ARHGAP39: variants seen among roughly 807,000 people sequenced by gnomAD.
ARHGAP39 encodes the protein rho GTPase-activating protein 39.
In ARHGAP39, 44 loss-of-function variants were observed where a neutral mutation model predicts 106.9. The observed-to-expected ratio is 0.41, with a 90% confidence interval of 0.32 to 0.53. The LOEUF is 0.53. Ranked by LOEUF, ARHGAP39 falls within the 20% of genes least tolerant of loss-of-function variation. The probability of loss-of-function intolerance (pLI) is 0.21; values close to 1 mark genes in which losing one functional copy is unlikely to be tolerated. For synonymous variants in ARHGAP39, 768 were observed against 693.2 expected (o/e 1.11, Z -1.69); for missense variants, 1,496 against 1,577.3 (o/e 0.95, Z 0.87).
chr8:144,615,903 G>T (rs1447954325), intron 1 of ARHGAP39, among the ~76,000 whole-genome samples: 2 of 152,212 alleles, frequency 1.3e-5, no homozygotes, highest in Non-Finnish European at 2.9e-5. Context: ...CACCAAAGCC[G>T]CCTGCTCCAG....
At chr8:144,672,087 T>A (rs912730434) in intron 1 of ARHGAP39, among the ~76,000 whole-genome samples, 2 of 152,132 alleles carry the variant, frequency 1.3e-5, no homozygotes, top group Non-Finnish European at 2.9e-5. Context: ...CACTACCCCC[T>A]CCCACATGTG....
At chr8:144,689,426 CTTTTT>C (rs71320837), upstream of ARHGAP39, among the ~76,000 whole-genome samples, 2 of 67,554 alleles carry the variant, frequency 3.0e-5, no homozygotes, top group Non-Finnish European at 5.3e-5. Context: ...TCTTAACCAT[CTTTTT>C]TTTTTTTTTT....
chr8:144,653,491 T>C (rs1248523274), intron 1 of ARHGAP39, among the ~76,000 whole-genome samples: 2 of 152,076 alleles, frequency 1.3e-5, no homozygotes, highest in East Asian at 3.9e-4. Context: ...GCCCCTTCAA[T>C]GGAAGCACAA....
rs189667004 is a variant in ARHGAP39 at position 144,679,604 on chromosome 8, T to C, written c.-82+6082A>G. On this transcript the variant is annotated intron_variant, in intron 1 of 11. Coordinates refer to ENST00000377307, the MANE Select transcript of ARHGAP39 (RefSeq NM_025251.3). This position sits in a 1 kb window ranked among gnomAD's most constrained non-coding sequence, Gnocchi z 4.7. The stretch of plus-strand genomic sequence containing the variant: ...CTTCACCAACCCATCCTACAGAACA[T>C]TGCCAATTAAATCTCCCTAAACCAT... 2.0e-5 allele frequency among the ~76,000 whole-genome samples: 3 copies of C among 152,148 alleles called. No individual in the cohort carries two copies. The highest frequency in any genetic ancestry group is 4.8e-5 in the African/African-American group (2 of 41,428).
intron 1 of ARHGAP39, among the ~76,000 whole-genome samples, chr8:144,636,026 G>C (rs529974852): frequency 1.4e-4 from 19 of 138,114 alleles, no homozygotes; most frequent in African/African-American, 5.2e-4. Context: ...AGACAGTGTG[G>C]GGACTGAATT....
intron 6 of ARHGAP39, among the ~76,000 whole-genome samples, chr8:144,538,822 C>T (rs2086360): frequency 2.0e-5 from 3 of 152,032 alleles, no homozygotes; most frequent in African/African-American, 2.4e-5. Flanking sequence ...CCACCCACCT[C>T]GGCCTCCCAA....
rs59528973 is a variant in ARHGAP39 at position 144,613,490 on chromosome 8, GT to G, written c.-81-7796del. ...TTAGGTATAGAATTCTTGGTGGACA[GT>G]TTTTTTTTTTTTCCCTTTCAGCATC... On this transcript the variant is annotated intron_variant, in intron 1 of 11. Transcript: ENST00000377307. Among the ~76,000 whole-genome samples the G allele has an allele frequency of 9.7e-3, 1,395 of 143,352 alleles. 12 individuals carry two copies. The highest frequency in any genetic ancestry group is 0.023 in the African/African-American group (901 of 39,510). The allele number at this position is 143,352 out of a possible 152,430, so 94.0% of individuals were successfully genotyped here.
intron 1 of ARHGAP39, among the ~76,000 whole-genome samples, chr8:144,660,143 C>T (rs1821787759): frequency 6.6e-6 from 1 of 152,172 alleles, no homozygotes; most frequent in Non-Finnish European, 1.5e-5. Context: ...GTGTGGAATG[C>T]TCCCGTGTCT....
At chr8:144,675,896 G>C (rs922431833) in intron 1 of ARHGAP39, among the ~76,000 whole-genome samples, 12 of 152,002 alleles carry the variant, frequency 7.9e-5, no homozygotes, top group African/African-American at 2.4e-4. Flanking sequence ...CAGGAGTGAA[G>C]CTGCAGACCT....
At position 144,619,860 on chromosome 8, in the gene ARHGAP39, G is replaced by A. The variant is rs141761784; in HGVS notation, c.-81-14165C>T. On this transcript the variant is annotated intron_variant, in intron 1 of 11. Coordinates refer to ENST00000377307, the MANE Select transcript of ARHGAP39 (RefSeq NM_025251.3). ...TGCCCATGTGCGAGCTTGTGTGTCC[G>A]AGAGAGCGTGAGCCCGTGTGAGTGA... 1.2e-3 allele frequency among the ~76,000 whole-genome samples: 166 copies of A among 142,350 alleles called. 1 individual carries two copies. The highest frequency in any genetic ancestry group is 2.1e-3 in the Non-Finnish European group (134 of 65,050). 93.4% of individuals were successfully genotyped at this position (142,350 alleles called of 152,430 possible).
chr8:144,584,871 C>A (rs189333027), intron 2 of ARHGAP39, among the ~76,000 whole-genome samples: 1 of 152,198 alleles, frequency 6.6e-6, no homozygotes, highest in East Asian at 1.9e-4. Flanking sequence ...GTCTTAGTTA[C>A]GTGGCTTTGT....
At chr8:144,699,980 G>C in the ARHGAP39 span, among the ~76,000 whole-genome samples, 2 of 152,154 alleles carry the variant, frequency 1.3e-5, no homozygotes, top group Non-Finnish European at 2.9e-5. Context: ...GGGAACAAAC[G>C]GGGCCGTATC....
intron 4 of ARHGAP39, among the ~76,000 whole-genome samples, chr8:144,552,639 T>G (rs569461926): frequency 6.6e-6 from 1 of 152,308 alleles, no homozygotes; most frequent in South Asian, 2.1e-4. Flanking sequence ...AGGTGTGGTC[T>G]CTTGATACCC....
Position 144,611,475 on chromosome 8 carries a change from C to G in ARHGAP39, c.-81-5780G>C, listed in dbSNP as rs192327618. ...GTCCCAACTACAACTGTGGATTTGT[C>G]TACTTCTCTTTGCACTATCAGTTTT... On this transcript the variant is annotated intron_variant, in intron 1 of 11. Transcript: ENST00000377307. Among the ~76,000 whole-genome samples the G allele has an allele frequency of 6.6e-5, 10 of 152,322 alleles. No homozygotes were observed. In the East Asian group the frequency reaches 1.7e-3, roughly 26 times the overall value.
intron 1 of ARHGAP39, among the ~76,000 whole-genome samples, chr8:144,672,403 G>A (rs973945207): frequency 6.6e-6 from 1 of 152,228 alleles, no homozygotes; most frequent in Admixed American, 6.5e-5. Context: ...CAGCCACTCT[G>A]TCAGGATAGT....
At chr8:144,622,798 G>A (rs1256827227) in intron 1 of ARHGAP39, among the ~76,000 whole-genome samples, 2 of 152,268 alleles carry the variant, frequency 1.3e-5, no homozygotes, top group East Asian at 1.9e-4. Flanking sequence ...GGAAGGCCCC[G>A]CGCAGGAGGG....
At chr8:144,599,606 C>T (rs113138083) in intron 2 of ARHGAP39, among the ~76,000 whole-genome samples, 4 of 151,870 alleles carry the variant, frequency 2.6e-5, no homozygotes, top group East Asian at 1.9e-4. Flanking sequence ...TGGGAACGTG[C>T]GAATGGTCTA....
intron 1 of ARHGAP39, among the ~76,000 whole-genome samples, chr8:144,667,590 T>C (rs549185665): frequency 6.6e-6 from 1 of 152,328 alleles, no homozygotes; most frequent in East Asian, 1.9e-4. Context: ...TAAGTCTCAA[T>C]AAACAAACTG....
chr8:144,616,664 A>C (rs994906759), intron 1 of ARHGAP39, among the ~76,000 whole-genome samples: 1 of 152,244 alleles, frequency 6.6e-6, no homozygotes, highest in Admixed American at 6.5e-5. Flanking sequence ...GGGGGGCCCA[A>C]GGGCCATAGG....
Sources: allele counts gnomAD v4.1 joint callset (sites outside exome capture counted in the v4.1 genomes callset), GRCh38; gene constraint gnomAD v4.1.1; non-coding constraint Gnocchi (gnomAD v3.1); transcripts MANE v1.5; gene names NCBI Gene and HGNC (gene_info 2026-07-23, HGNC 2026-07-21).